The following ARID1B variants were observed in gnomAD, a reference collection of about 807,000 sequenced individuals.
ARID1B encodes the protein AT-rich interactive domain-containing protein 1B.
Under a neutral mutation model 212.3 loss-of-function variants are expected in ARID1B, and 30 were observed. That is an observed-to-expected ratio of 0.14 (90% confidence interval 0.11 to 0.19). ARID1B has a LOEUF of 0.19. ARID1B is among the 10% of genes least tolerant of loss of function. The pLI, the probability that ARID1B is intolerant of heterozygous loss-of-function variation, is 1.00. For missense variants in ARID1B, 2,891 were observed against 3,204.0 expected, an observed-to-expected ratio of 0.90 and a Z score of 2.36; for synonymous variants, 1,402 against 1,301.7, an observed-to-expected ratio of 1.08 and a Z score of -1.66.
chr6:157,148,598 T>G lies in ARID1B; in HGVS notation c.2762-26T>G. The G allele has an allele frequency of 6.4e-7, 1 of 1,567,122 alleles. No homozygotes were observed. The highest frequency in any genetic ancestry group is 1.4e-5 in the African/African-American group (1 of 73,476). The stretch of plus-strand genomic sequence containing the variant: ...TTGTCACAAGTTTAAATAAAAGGCT[T>G]TACTTTGTGTTTGCTTTTTGTTTAG... On this transcript the variant is annotated intron_variant, in intron 7 of 19. Transcript: ENST00000636930. The surrounding 1 kb of genome is among the most constrained non-coding windows in gnomAD (Gnocchi z 5.6).
intron 2 of ARID1B, among the ~76,000 whole-genome samples, chr6:156,847,137 C>T (rs1406499099): frequency 1.3e-5 from 2 of 152,090 alleles, no homozygotes; most frequent in African/African-American, 4.8e-5. Flanking sequence ...GAAACCTCTG[C>T]AAAGGCATCT....
At chr6:157,160,154 A>G (rs1790837222) in intron 8 of ARID1B, among the ~76,000 whole-genome samples, 1 of 152,152 alleles carries the variant, frequency 6.6e-6, no homozygotes, top group Non-Finnish European at 1.5e-5. Context: ...AGACTCACAA[A>G]GTCTTATATA....
intron 4 of ARID1B, among the ~76,000 whole-genome samples, chr6:156,964,778 T>G (rs1794630734): frequency 6.6e-6 from 1 of 152,250 alleles, no homozygotes; most frequent in Non-Finnish European, 1.5e-5. Context: ...ATAAGTCTTA[T>G]ATATGTGATC....
At position 157,088,924 on chromosome 6, in the gene ARID1B, T is replaced by G. The variant is rs543973622; in HGVS notation, c.2491+4019T>G. ...CGAGCTATCTGTTAGGAATTTCCCT[T>G]TATTTTTCTATATGTAGTCTTTTGT... is the stretch of plus-strand genomic sequence containing the variant. On this transcript the variant is annotated intron_variant, in intron 5 of 19. Coordinates refer to ENST00000636930, the MANE Select transcript of ARID1B (RefSeq NM_001374828.1). Among the ~76,000 whole-genome samples the G allele has an allele frequency of 2.0e-5, 3 of 152,310 alleles. No homozygotes were observed. In the South Asian group the frequency reaches 6.2e-4, roughly 32 times the overall value.
chr6:157,198,069 T>A (rs1793852400), intron 16 of ARID1B, among the ~76,000 whole-genome samples: 1 of 152,204 alleles, frequency 6.6e-6, no homozygotes, highest in Admixed American at 6.5e-5. Flanking sequence ...TTTTCAAAGT[T>A]CCAAATCTAT....
chr6:156,801,323 C>G (rs1780772758), intron 1 of ARID1B, among the ~76,000 whole-genome samples: 1 of 149,782 alleles, frequency 6.7e-6, no homozygotes, highest in Non-Finnish European at 1.5e-5. Context: ...CCTCAGCCTT[C>G]TGAGTAGCTA....
intron 2 of ARID1B, among the ~76,000 whole-genome samples, chr6:156,847,785 A>G (rs1784325615): frequency 6.6e-6 from 1 of 152,202 alleles, no homozygotes; most frequent in African/African-American, 2.4e-5. Context: ...TTTTAAGGTT[A>G]TATTTAGTTC....
chr6:157,107,383 G>A (rs1786570417), intron 5 of ARID1B, among the ~76,000 whole-genome samples: 1 of 152,098 alleles, frequency 6.6e-6, no homozygotes, highest in Non-Finnish European at 1.5e-5. Flanking sequence ...TGTTAACATT[G>A]GAGGAGGTGG....
At chr6:156,823,688 G>GTTGT (rs371775783) in intron 1 of ARID1B, among the ~76,000 whole-genome samples, 4 of 118,026 alleles carry the variant, frequency 3.4e-5, no homozygotes, top group African/African-American at 9.5e-5. Context: ...TTTCTTTGTT[G>GTTGT]TTTTTTTTTT....
intron 2 of ARID1B, among the ~76,000 whole-genome samples, chr6:156,861,635 A>G (rs535067096): frequency 2.0e-5 from 3 of 152,254 alleles, no homozygotes; most frequent in Admixed American, 6.5e-5. Context: ...TAAAAAATTA[A>G]TAAATAAATA....
At position 157,123,247 on chromosome 6, in the gene ARID1B, CCA is replaced by C. The variant is rs796444034; in HGVS notation, c.2582-9770_2582-9769del. 3.9e-3 allele frequency among the ~76,000 whole-genome samples: 431 copies of C among 111,826 alleles called. 8 individuals are homozygous for C. Among genetic ancestry groups the C allele is most frequent in the African/African-American group, 9.5e-3 (291 of 30,746 alleles). The allele number at this position is 111,826 out of a possible 152,430, so 73.4% of individuals were successfully genotyped here. On this transcript the variant is annotated intron_variant, in intron 6 of 19. Transcript: ENST00000636930. Reference sequence around the variant, plus strand: ...CTCCCCCCCGCCCCCCGCCCCCCCCCCACACACACACAAGCAAACTCTGGGGA... The same window carrying C: ...CTCCCCCCCGCCCCCCGCCCCCCCCCCACACACACAAGCAAACTCTGGGGA...
chr6:156,779,209 G>T lies in ARID1B; in HGVS notation c.1529G>T (p.Ser510Ile). The change falls in exon 1 of 20, where the codon AGC becomes ATC. Residue 510 changes from serine to isoleucine, a missense_variant. Ser to Ile is a moderately radical substitution (Grantham distance 142). Coordinates refer to ENST00000636930, the MANE Select transcript of ARID1B (RefSeq NM_001374828.1). ...CTCAATCAGCTGCTCACCTCGCCCA[G>T]CCCCATGATGCGGAGCTACGGCGGC... The part of the protein sequence containing the change: ...PTLNQLLTSP[S>I]PMMRSYGGSY... The T allele has an allele frequency of 7.7e-7, 1 of 1,291,474 alleles. No homozygotes were observed. 80.0% of individuals were successfully genotyped at this position (1,291,474 alleles called of 1,614,324 possible). A position where few individuals can be genotyped will look rare whatever the true frequency, so the allele number is the denominator to read the frequency against.
chr6:156,911,997 T>C (rs945257936), intron 3 of ARID1B, among the ~76,000 whole-genome samples: 1 of 152,238 alleles, frequency 6.6e-6, no homozygotes, highest in Non-Finnish European at 1.5e-5. Flanking sequence ...AAAATACAAA[T>C]ACATAGTAAA....
intron 15 of ARID1B, chr6:157,193,358 A>C (rs1023547292): frequency 6.6e-6 from 1 of 152,232 alleles, no homozygotes; most frequent in Non-Finnish European, 1.5e-5. Flanking sequence ...ATCAAAGGAT[A>C]TGAACTTTTT....
chr6:156,925,575 AAAAT>A (rs1317600056), intron 3 of ARID1B, among the ~76,000 whole-genome samples: 1 of 152,236 alleles, frequency 6.6e-6, no homozygotes, highest in Non-Finnish European at 1.5e-5. Context: ...GAATTGATAG[AAAAT>A]AAATAATATC....
At chr6:157,135,052 G>A (rs2128591093) in intron 7 of ARID1B, among the ~76,000 whole-genome samples, 1 of 151,732 alleles carries the variant, frequency 6.6e-6, no homozygotes, top group African/African-American at 2.4e-5. Flanking sequence ...TTTGCTATAG[G>A]AATTAATAGC....
intron 4 of ARID1B, chr6:157,036,614 A>G (rs376342800): frequency 3.1e-6 from 1 of 325,470 alleles, no homozygotes; most frequent in Non-Finnish European, 6.1e-6. Context: ...ATTTGATAGG[A>G]GCTCCCGCCG....
intron 4 of ARID1B, among the ~76,000 whole-genome samples, chr6:157,055,745 C>G (rs1191294439): frequency 6.6e-6 from 1 of 152,218 alleles, no homozygotes; most frequent in East Asian, 1.9e-4. Flanking sequence ...CTCAGGATCT[C>G]GTGAAGTTGA....
intron 1 of ARID1B, among the ~76,000 whole-genome samples, chr6:156,799,006 A>G (rs574660367): frequency 3.6e-4 from 55 of 152,242 alleles, no homozygotes; most frequent in African/African-American, 1.2e-3. Context: ...ACAGGTGTGT[A>G]TTTCCTACCA....
Sources: gnomAD v4.1 joint callset for allele counts (sites outside exome capture counted in the v4.1 genomes callset) on GRCh38, gnomAD v4.1.1 for gene constraint, Gnocchi (gnomAD v3.1) non-coding constraint, MANE v1.5 for transcripts, NCBI Gene and HGNC (gene_info 2026-07-23, HGNC 2026-07-21) for gene names.